The following SCFD2 variants were observed in gnomAD, a reference collection of about 807,000 sequenced individuals.
SCFD2 encodes the protein sec1 family domain-containing protein 2.
SCFD2 carries 54 observed loss-of-function variants against 58.9 expected under a neutral mutation model. The ratio of observed to expected loss-of-function variants is 0.92; its 90% CI spans 0.74 to 1.15. SCFD2 has a LOEUF of 1.15. SCFD2 is among the 50% of genes most tolerant of loss of function. SCFD2 has a pLI of 0.00. For synonymous variants in SCFD2, 321 were observed against 335.9 expected (o/e 0.96, Z 0.49); for missense variants, 805 against 836.6 (o/e 0.96, Z 0.47).
intron 7 of SCFD2, among the ~76,000 whole-genome samples, chr4:52,895,476 C>A (rs1718984067): frequency 6.6e-6 from 1 of 152,172 alleles, no homozygotes; most frequent in African/African-American, 2.4e-5. Flanking sequence ...CCAGCTTCAT[C>A]CATGTCCCTA....
chr4:53,069,883 A>G (rs914518443), intron 5 of SCFD2, among the ~76,000 whole-genome samples: 3 of 151,994 alleles, frequency 2.0e-5, no homozygotes, highest in African/African-American at 7.2e-5. Context: ...CCTTCCTTCC[A>G]CTTTAATAAT....
At chr4:53,156,698 AAAAC>A (rs1379534346) in intron 4 of SCFD2, among the ~76,000 whole-genome samples, 12 of 152,360 alleles carry the variant, frequency 7.9e-5, no homozygotes, top group Admixed American at 3.9e-4. Context: ...ACTCCGTCTC[AAAAC>A]AAACAAAGAG....
At chr4:52,985,987 G>A (rs2109574496) in intron 5 of SCFD2, among the ~76,000 whole-genome samples, 1 of 152,220 alleles carries the variant, frequency 6.6e-6, no homozygotes, top group East Asian at 1.9e-4. Flanking sequence ...AAGACACTGA[G>A]AGGACAGAAT....
chr4:53,201,908 G>A (rs1331990888), intron 4 of SCFD2, among the ~76,000 whole-genome samples: 1 of 152,132 alleles, frequency 6.6e-6, no homozygotes, highest in Non-Finnish European at 1.5e-5. Context: ...TGAGTTCATT[G>A]TAGATTCTGG....
intron 4 of SCFD2, among the ~76,000 whole-genome samples, chr4:53,267,632 A>G (rs547022235): frequency 1.1e-4 from 17 of 152,294 alleles, no homozygotes; most frequent in Non-Finnish European, 7.3e-5. Context: ...GCCAGGCTGG[A>G]GCGCAGTGGC....
chr4:53,365,198 C>T lies in SCFD2; in HGVS notation c.744G>A (p.Ala248=). The change falls in exon 1 of 9, where the codon GCG becomes GCA. Residue 248 remains alanine (A), a synonymous_variant. Coordinates refer to ENST00000401642, the MANE Select transcript of SCFD2 (RefSeq NM_152540.4). The surrounding 1 kb of genome is among the most constrained non-coding windows in gnomAD (Gnocchi z 4.3). Reference sequence around the variant, plus strand: ...TTGCAGGGGCATAATTGGCCAGATCCGCAGCGATGACCTGACTTAAGGAAC... The same window carrying T: ...TTGCAGGGGCATAATTGGCCAGATCTGCAGCGATGACCTGACTTAAGGAAC... ...AVGSLSQVIA[A]DLANYAPAKN... 6.2e-7 allele frequency: 1 copy of T among 1,614,144 alleles called. No homozygotes were observed. Among genetic ancestry groups the T allele is most frequent in the Non-Finnish European group, 8.5e-7 (1 of 1,180,032 alleles).
At chr4:53,084,617 T>A (rs1319710074) in intron 5 of SCFD2, among the ~76,000 whole-genome samples, 2 of 152,174 alleles carry the variant, frequency 1.3e-5, no homozygotes, top group Non-Finnish European at 1.5e-5. Flanking sequence ...TAATATGAAA[T>A]CTTCACAATT....
chr4:53,258,102 C>T (rs924789575), intron 4 of SCFD2, among the ~76,000 whole-genome samples: 1 of 152,160 alleles, frequency 6.6e-6, no homozygotes, highest in Non-Finnish European at 1.5e-5. Flanking sequence ...CACTTGTTCT[C>T]GCTCCATATC....
intron 5 of SCFD2, among the ~76,000 whole-genome samples, chr4:53,129,416 G>A (rs1323477486): frequency 1.3e-5 from 2 of 152,168 alleles, no homozygotes; most frequent in African/African-American, 4.8e-5. Flanking sequence ...TTATATTATT[G>A]TTTACATTTA....
rs372332733 is a variant in SCFD2 at position 52,912,041 on chromosome 4, CT to C, written c.1708-4451del. On this transcript the variant is annotated intron_variant, in intron 6 of 8. Coordinates refer to ENST00000401642, the MANE Select transcript of SCFD2 (RefSeq NM_152540.4). ...TCATAGGATTTAATAAATTACCTTT[CT>C]TTTTTTTTCAAGCTCAAAGTGGCAT... 3.2e-4 allele frequency among the ~76,000 whole-genome samples: 48 copies of C among 151,344 alleles called. No individual in the cohort carries two copies. The South Asian group carries it at 8.2e-3, about 26-fold the overall frequency.
At chr4:53,347,942 C>T (rs1734103986) in intron 2 of SCFD2, among the ~76,000 whole-genome samples, 1 of 152,202 alleles carries the variant, frequency 6.6e-6, no homozygotes, top group Non-Finnish European at 1.5e-5. Context: ...AGTAGGGCAT[C>T]AGGTGAAGGT....
chr4:52,916,098 G>C (rs1334608715), intron 6 of SCFD2, among the ~76,000 whole-genome samples: 1 of 152,224 alleles, frequency 6.6e-6, no homozygotes, highest in Non-Finnish European at 1.5e-5. Flanking sequence ...AGCCATGCGA[G>C]AGCCATACAG....
chr4:53,101,829 A>G (rs1724838017), intron 5 of SCFD2, among the ~76,000 whole-genome samples: 1 of 152,174 alleles, frequency 6.6e-6, no homozygotes, highest in Admixed American at 6.6e-5. Flanking sequence ...GTCAATTTAT[A>G]AATTTTGTGA....
At chr4:52,991,989 C>T (rs1721621768) in intron 5 of SCFD2, among the ~76,000 whole-genome samples, 3 of 152,030 alleles carry the variant, frequency 2.0e-5, no homozygotes, top group Admixed American at 1.3e-4. Context: ...TTTTGCCTCT[C>T]CCTCTCCCTC....
At chr4:53,100,214 G>A (rs1196890899) in intron 5 of SCFD2, among the ~76,000 whole-genome samples, 4 of 152,074 alleles carry the variant, frequency 2.6e-5, no homozygotes, top group African/African-American at 4.8e-5. Context: ...GGTTGAACTT[G>A]GGCAAGTTAT....
intron 3 of SCFD2, among the ~76,000 whole-genome samples, chr4:53,274,583 T>C (rs1731273271): frequency 6.6e-6 from 1 of 152,160 alleles, no homozygotes; most frequent in African/African-American, 2.4e-5. Flanking sequence ...AAAGGGTTGG[T>C]GTGGGGAACA....
At chr4:53,296,528 T>C (rs1425926408) in intron 3 of SCFD2, among the ~76,000 whole-genome samples, 2 of 152,178 alleles carry the variant, frequency 1.3e-5, no homozygotes, top group Admixed American at 1.3e-4. Flanking sequence ...TCTTCTCTCT[T>C]TTCTTCTTTG....
At chr4:53,120,331 C>T (rs140952072) in intron 5 of SCFD2, among the ~76,000 whole-genome samples, 2 of 152,200 alleles carry the variant, frequency 1.3e-5, no homozygotes, top group African/African-American at 4.8e-5. Flanking sequence ...ATGTTTAAGG[C>T]GTTGTTCTAA....
intron 2 of SCFD2, among the ~76,000 whole-genome samples, chr4:53,321,160 C>CT (rs11405584): frequency 0.71 from 108,380 of 151,802 alleles, 38,849 homozygotes; most frequent in Middle Eastern, 0.8. Flanking sequence ...ACAAATAGCT[C>CT]TTTAAGGTCT....
Sources: allele counts gnomAD v4.1 joint callset (sites outside exome capture counted in the v4.1 genomes callset), GRCh38; gene constraint gnomAD v4.1.1; non-coding constraint Gnocchi (gnomAD v3.1); transcripts MANE v1.5; gene names NCBI Gene and HGNC (gene_info 2026-07-23, HGNC 2026-07-21).